Variants in PHF20 observed in about 807,000 individuals in gnomAD.
The protein encoded by PHF20 is glioma-expressed antigen 2.
A neutral mutation model predicts 113.5 loss-of-function variants in PHF20; 23 were observed. That is an observed-to-expected ratio of 0.20 (90% confidence interval 0.15 to 0.29). PHF20 has a LOEUF of 0.29. PHF20 is among the 10% of genes least tolerant of loss of function. The pLI, the probability that PHF20 is intolerant of heterozygous loss-of-function variation, is 1.00. For missense variants in PHF20, 943 were observed against 1,219.6 expected (o/e 0.77, Z 3.38); for synonymous variants, 434 against 457.3 (o/e 0.95, Z 0.65).
intron 9 of PHF20, among the ~76,000 whole-genome samples, chr20:35,893,901 C>T (rs1410878406): frequency 6.6e-6 from 1 of 152,236 alleles, no homozygotes; most frequent in Non-Finnish European, 1.5e-5. Context: ...CAGGCATGAG[C>T]CACTGTGCCC....
chr20:35,811,545 C>T (rs2041977739), intron 2 of PHF20, among the ~76,000 whole-genome samples: 2 of 151,458 alleles, frequency 1.3e-5, no homozygotes, highest in Admixed American at 6.6e-5. Context: ...CTGGTACAAG[C>T]GATTCTTCTG....
At chr20:35,801,203 G>A (rs1569125762) in intron 1 of PHF20, among the ~76,000 whole-genome samples, 2 of 152,212 alleles carry the variant, frequency 1.3e-5, no homozygotes, top group Non-Finnish European at 2.9e-5. Flanking sequence ...GAATTTAACT[G>A]TGAAAGCAGT....
rs2056157108 is a variant in PHF20, at chr20:35,950,290, T to A, written c.*2663T>A. The A allele has an allele frequency of 2.0e-5, 3 of 152,788 alleles. No homozygotes were observed. In the South Asian group the frequency reaches 6.2e-4, roughly 32 times the overall value. The allele number at this position is 152,788 out of a possible 1,614,324, so 9.5% of individuals were successfully genotyped here. On this transcript the variant is annotated 3_prime_UTR_variant, in exon 18 of 18. Transcript: ENST00000374012. Reference sequence around the variant, plus strand: ...GAACAGAAGGCGCTGTATATAGAAATGTTGCTTTGAAGCAATATTTGCAAA... The same window carrying A: ...GAACAGAAGGCGCTGTATATAGAAAAGTTGCTTTGAAGCAATATTTGCAAA...
At chr20:35,925,408 G>A (rs1291392479) in intron 13 of PHF20, among the ~76,000 whole-genome samples, 4 of 151,816 alleles carry the variant, frequency 2.6e-5, no homozygotes, top group African/African-American at 4.8e-5. Context: ...GATTACAGGC[G>A]CCTGCCACCA....
At chr20:35,826,663 A>G (rs1251252949) in intron 2 of PHF20, among the ~76,000 whole-genome samples, 1 of 152,176 alleles carries the variant, frequency 6.6e-6, no homozygotes, top group Non-Finnish European at 1.5e-5. Context: ...GATTGAACTG[A>G]AGAGTGAAAA....
At chr20:35,932,239 TTG>T (rs2053870470) in intron 15 of PHF20, among the ~76,000 whole-genome samples, 1 of 151,242 alleles carries the variant, frequency 6.6e-6, no homozygotes, top group Non-Finnish European at 1.5e-5. Flanking sequence ...GGCTAATTTT[TTG>T]TGTTTTCTGT....
At chr20:35,842,871 G>T in intron 3 of PHF20, 127 bp downstream of exon 3, 2 of 721,344 alleles carry the variant, frequency 2.8e-6, no homozygotes, top group South Asian at 1.9e-5. Context: ...GTAACCCTGA[G>T]ATCTCTATGA....
intron 2 of PHF20, among the ~76,000 whole-genome samples, chr20:35,806,712 A>AT (rs2041887044): frequency 6.6e-6 from 1 of 151,008 alleles, no homozygotes; most frequent in Non-Finnish European, 1.5e-5. Context: ...ACATTATTTA[A>AT]TTGATATTGC....
rs147695430 is a variant in PHF20 at position 35,873,225 on chromosome 20, C to T, written c.1282+1396C>T. ...AAGCAACTCTCATGTCTCAGCCTCCCGAGTAGCTGGGATTACAGGAGTGTG... is the reference window on the plus strand; with the variant it reads ...AAGCAACTCTCATGTCTCAGCCTCCTGAGTAGCTGGGATTACAGGAGTGTG... On this transcript the variant is annotated intron_variant, in intron 9 of 17. Coordinates refer to ENST00000374012, the MANE Select transcript of PHF20 (RefSeq NM_016436.5). Among the ~76,000 whole-genome samples the T allele has an allele frequency of 6.0e-3, 915 of 151,612 alleles. 10 individuals are homozygous for T. Among genetic ancestry groups the T allele is most frequent in the African/African-American group, 0.021 (864 of 41,346 alleles).
intron 2 of PHF20, among the ~76,000 whole-genome samples, chr20:35,805,873 T>G: frequency 6.6e-6 from 1 of 151,920 alleles, no homozygotes; most frequent in East Asian, 1.9e-4. Flanking sequence ...TCTTTTTTTT[T>G]TCGTTTGGGA....
intron 1 of PHF20, chr20:35,800,043 T>A (rs2041748945): frequency 6.6e-6 from 1 of 152,116 alleles, no homozygotes; most frequent in Non-Finnish European, 1.5e-5. Context: ...CAAAAGGAAA[T>A]TGGCTTTACT....
intron 10 of PHF20, among the ~76,000 whole-genome samples, chr20:35,901,213 G>A (rs777124759): frequency 2.6e-5 from 4 of 151,880 alleles, no homozygotes; most frequent in Non-Finnish European, 5.9e-5. Context: ...TCAGGAGTTC[G>A]AGACCAGCCT....
At chr20:35,773,606 T>A (rs1210432418) in intron 1 of PHF20, among the ~76,000 whole-genome samples, 2 of 152,228 alleles carry the variant, frequency 1.3e-5, no homozygotes, top group Non-Finnish European at 2.9e-5. Context: ...TAGCAGGATC[T>A]CTTCTCTCTT....
intron 2 of PHF20, among the ~76,000 whole-genome samples, chr20:35,820,435 G>A (rs2042147745): frequency 6.6e-6 from 1 of 150,832 alleles, no homozygotes; most frequent in Non-Finnish European, 1.5e-5. Flanking sequence ...GCTAGAAAGT[G>A]GAATAAGTAC....
chr20:35,831,451 C>T (rs2042357258), intron 2 of PHF20, among the ~76,000 whole-genome samples: 1 of 152,150 alleles, frequency 6.6e-6, no homozygotes, highest in African/African-American at 2.4e-5. Flanking sequence ...AGGCATGAGC[C>T]ATTGTGCTGG....
intron 9 of PHF20, among the ~76,000 whole-genome samples, chr20:35,879,711 C>T (rs1195868122): frequency 1.3e-5 from 1 of 76,892 alleles, no homozygotes; most frequent in Admixed American, 1.7e-4. Context: ...TGAGCCATGT[C>T]AAAAAAAAAA....
At chr20:35,794,017 A>AAAAAAAAAAAAAAAAAAAAAAG in intron 1 of PHF20, among the ~76,000 whole-genome samples, 1 of 140,670 alleles carries the variant, frequency 7.1e-6, no homozygotes, top group African/African-American at 2.7e-5. Context: ...AAAAAAAAAA[A>AAAAAAAAAAAAAAAAAAAAAAG]GGCCAGGCGC....
chr20:35,779,288 G>A (rs1964237443), intron 1 of PHF20, among the ~76,000 whole-genome samples: 2 of 152,048 alleles, frequency 1.3e-5, no homozygotes, highest in South Asian at 4.1e-4. Flanking sequence ...GCCTGCCAGG[G>A]CCTCCCAAAG....
At chr20:35,904,825 C>CT (rs1055592043) in intron 10 of PHF20, among the ~76,000 whole-genome samples, 15 of 113,844 alleles carry the variant, frequency 1.3e-4, no homozygotes, top group Admixed American at 5.3e-4. Context: ...CTTTCTCTTT[C>CT]TTTTTTTTTG....
Sources: gnomAD v4.1 joint callset for allele counts (sites outside exome capture counted in the v4.1 genomes callset) on GRCh38, gnomAD v4.1.1 for gene constraint, MANE v1.5 for transcripts, NCBI Gene and HGNC (gene_info 2026-07-23, HGNC 2026-07-21) for gene names.